The following PDE11A variants were observed in gnomAD, a reference collection of about 807,000 sequenced individuals.
The protein encoded by PDE11A is phosphodiesterase 11A, also known as dual 3',5'-cyclic-AMP and -GMP phosphodiesterase 11A.
Under a neutral mutation model 100.5 loss-of-function variants are expected in PDE11A, and 100 were observed. The ratio of observed to expected loss-of-function variants is 1.00; its 90% CI spans 0.85 to 1.18. The LOEUF is 1.18. PDE11A is among the 50% of genes most tolerant of loss of function. The pLI is 0.00. For missense variants in PDE11A, 1,141 were observed against 1,152.6 expected, an observed-to-expected ratio of 0.99 and a Z score of 0.15; for synonymous variants, 381 against 420.8, an observed-to-expected ratio of 0.91 and a Z score of 1.16.
chr2:177,737,269 A>T (rs1291652284), intron 10 of PDE11A, among the ~76,000 whole-genome samples: 1 of 146,732 alleles, frequency 6.8e-6, no homozygotes. Context: ...ATAAATAAAT[A>T]AAATAAAATA....
intron 11 of PDE11A, 36 bp from the exon 12 acceptor site, chr2:177,727,801 T>C: frequency 7.9e-7 from 1 of 1,268,440 alleles, no homozygotes; most frequent in Non-Finnish European, 1.2e-6. Context: ...CAGGCAGTTG[T>C]AAGTGATTCT....
At position 177,696,977 on chromosome 2, in the gene PDE11A, T is replaced by C. The variant is rs114377363; in HGVS notation, c.2345+355A>G. ...ATTTTCCATCACTGAATATTTTTCATCTTCGTTATCAATGCCATTATACAG... is the reference window on the plus strand; with the variant it reads ...ATTTTCCATCACTGAATATTTTTCACCTTCGTTATCAATGCCATTATACAG... On this transcript the variant is annotated intron_variant, in intron 15 of 19. Coordinates refer to ENST00000286063, the MANE Select transcript of PDE11A (RefSeq NM_016953.4). 9.3e-3 allele frequency among the ~76,000 whole-genome samples: 1,414 copies of C among 152,332 alleles called. 14 individuals are homozygous for C. Among genetic ancestry groups the C allele is most frequent in the African/African-American group, 0.032 (1,348 of 41,586 alleles).
At chr2:177,995,639 A>G (rs2086061748) in intron 2 of PDE11A, among the ~76,000 whole-genome samples, 1 of 106,510 alleles carries the variant, frequency 9.4e-6, no homozygotes, top group South Asian at 3.6e-4. Context: ...AATACTCCAC[A>G]AACACCACCC....
intron 4 of PDE11A, among the ~76,000 whole-genome samples, chr2:177,895,704 T>A (rs1414351972): frequency 2.0e-5 from 3 of 152,156 alleles, no homozygotes; most frequent in Non-Finnish European, 4.4e-5. Context: ...ATTTAAAAAG[T>A]TGAACTCATA....
intron 2 of PDE11A, among the ~76,000 whole-genome samples, chr2:177,921,245 A>G (rs1165123869): frequency 6.6e-6 from 1 of 151,694 alleles, no homozygotes; most frequent in East Asian, 1.9e-4. Context: ...TTGCCTCTGC[A>G]TGTAACTATA....
intron 4 of PDE11A, among the ~76,000 whole-genome samples, chr2:177,895,683 T>C (rs2084601922): frequency 6.6e-6 from 1 of 152,202 alleles, no homozygotes; most frequent in Non-Finnish European, 1.5e-5. Flanking sequence ...ATGATCTCAC[T>C]TATTTCTAGA....
intron 15 of PDE11A, among the ~76,000 whole-genome samples, chr2:177,696,832 A>C (rs73028304): frequency 0.024 from 3,690 of 152,246 alleles, 163 homozygotes; most frequent in African/African-American, 0.084. Context: ...GTCCCACTGG[A>C]AATGGGAGGG....
chr2:177,840,886 A>G (rs1242759616), intron 5 of PDE11A, among the ~76,000 whole-genome samples: 1 of 152,210 alleles, frequency 6.6e-6, no homozygotes, highest in African/African-American at 2.4e-5. Flanking sequence ...TTGAAAAACA[A>G]TTTTACTATC....
rs957713140 is a variant in PDE11A at position 177,859,513 on chromosome 2, A to G, written c.1367+16346T>C. ...ACTGAAAGGACAAATAGATAATTCA[A>G]CAATAATAATAGTGGAGCCTTCAAC... On this transcript the variant is annotated intron_variant, in intron 5 of 19. Coordinates refer to ENST00000286063, the MANE Select transcript of PDE11A (RefSeq NM_016953.4). Among the ~76,000 whole-genome samples, 7 of 152,128 alleles carry G rather than the reference A, an allele frequency of 4.6e-5. No homozygotes were observed. The East Asian group carries it at 1.4e-3, about 29-fold the overall frequency.
chr2:178,061,749 C>A (rs1425507058), intron 1 of PDE11A, among the ~76,000 whole-genome samples: 1 of 152,090 alleles, frequency 6.6e-6, no homozygotes, highest in Non-Finnish European at 1.5e-5. Flanking sequence ...AAATATATAA[C>A]CTCACAAGGT....
intron 2 of PDE11A, among the ~76,000 whole-genome samples, chr2:178,007,069 T>C (rs71423540): frequency 0.056 from 8,459 of 152,312 alleles, 297 homozygotes; most frequent in South Asian, 0.092. Flanking sequence ...GTTCAATAAA[T>C]TTTATTTCCA....
intron 2 of PDE11A, among the ~76,000 whole-genome samples, chr2:177,906,744 C>T (rs1248442745): frequency 6.6e-6 from 1 of 152,138 alleles, no homozygotes; most frequent in Admixed American, 6.5e-5. Context: ...AAAGTCTGTC[C>T]ATAAGCCAAG....
In PDE11A at chr2:177,889,742, G is replaced by A. The variant is rs558704867; in HGVS notation, c.1302+8316C>T. On this transcript the variant is annotated intron_variant, in intron 4 of 19. Coordinates refer to ENST00000286063, the MANE Select transcript of PDE11A (RefSeq NM_016953.4). Reference sequence around the variant, plus strand: ...CTTTTTTTCAAGTTCTACCAACCCAGTTTCTTATCTTTTATACTGCTTATC... The same window carrying A: ...CTTTTTTTCAAGTTCTACCAACCCAATTTCTTATCTTTTATACTGCTTATC... Among the ~76,000 whole-genome samples the A allele has an allele frequency of 1.5e-4, 22 of 149,454 alleles. 1 individual carries two copies. Among genetic ancestry groups the A allele is most frequent in the African/African-American group, 4.2e-4 (17 of 40,576 alleles).
intron 4 of PDE11A, chr2:177,888,748 A>G (rs765804674): frequency 7.6e-6 from 4 of 524,892 alleles, no homozygotes; most frequent in Non-Finnish European, 9.8e-6. Flanking sequence ...ACAGACAAAC[A>G]TCAGGCTTGA....
intron 2 of PDE11A, among the ~76,000 whole-genome samples, chr2:177,917,615 A>T (rs1035477237): frequency 6.6e-6 from 1 of 152,246 alleles, no homozygotes; most frequent in African/African-American, 2.4e-5. Context: ...CAGTATTTTT[A>T]AAAATCTCAT....
chr2:178,107,531 T>C (rs2087633787), intron 1 of PDE11A, among the ~76,000 whole-genome samples: 1 of 151,544 alleles, frequency 6.6e-6, no homozygotes, highest in African/African-American at 2.4e-5. Context: ...GCACTTTATA[T>C]ATTATTAACT....
chr2:177,857,960 T>C (rs142472536), intron 5 of PDE11A, among the ~76,000 whole-genome samples: 53 of 152,120 alleles, frequency 3.5e-4, no homozygotes, highest in African/African-American at 1.2e-3. Flanking sequence ...TATTTTATAA[T>C]GGCAAAGGGT....
At chr2:177,710,179 G>A (rs546677642) in intron 13 of PDE11A, among the ~76,000 whole-genome samples, 48 of 152,096 alleles carry the variant, frequency 3.2e-4, no homozygotes, top group Admixed American at 1.5e-3. Flanking sequence ...CAAGGCAGAG[G>A]TGGAGGGATT....
rs550682361 is a variant in PDE11A at position 177,850,669 on chromosome 2, G to A, written c.1368-10286C>T. Among the ~76,000 whole-genome samples the A allele has an allele frequency of 7.2e-3, 1,092 of 152,084 alleles. 9 individuals are homozygous for A. Among genetic ancestry groups the A allele is most frequent in the African/African-American group, 0.024 (1,014 of 41,464 alleles). On this transcript the variant is annotated intron_variant, in intron 5 of 19. Transcript: ENST00000286063. ...AGGGCTAATATCCAGAATCTACAAAGAACTCAAACAAATTTACAAGAAAAA... is the reference window on the plus strand; with the variant it reads ...AGGGCTAATATCCAGAATCTACAAAAAACTCAAACAAATTTACAAGAAAAA...
Sources: allele counts gnomAD v4.1 joint callset (sites outside exome capture counted in the v4.1 genomes callset), GRCh38; gene constraint gnomAD v4.1.1; transcripts MANE v1.5; gene names NCBI Gene and HGNC (gene_info 2026-07-23, HGNC 2026-07-21).